Variants in SOS1 observed in about 807,000 individuals in gnomAD.
SOS1 encodes the protein son of sevenless homolog 1.
A neutral mutation model predicts 157.6 loss-of-function variants in SOS1; 25 were observed. The observed-to-expected ratio is 0.16, with a 90% CI of 0.12 to 0.22. The LOEUF is 0.22. Among genes scored for constraint, SOS1 ranks in the 10% least tolerant of loss-of-function variants. The pLI, the probability that SOS1 is intolerant of heterozygous loss-of-function variation, is 1.00. For synonymous variants in SOS1, 528 were observed against 534.0 expected (o/e 0.99, Z 0.16); for missense variants, 1,237 against 1,599.1 (o/e 0.77, Z 3.86).
intron 1 of SOS1, among the ~76,000 whole-genome samples, chr2:39,075,267 T>C (rs991723353): frequency 4.6e-5 from 7 of 152,104 alleles, no homozygotes; most frequent in Non-Finnish European, 7.4e-5. Flanking sequence ...ACTATTTTTT[T>C]GGGTGGTGGG....
chr2:39,035,601 T>C (rs1239135049), intron 6 of SOS1, 101 bp from the exon 7 acceptor site: 4 of 830,010 alleles, frequency 4.8e-6, no homozygotes, highest in East Asian at 2.6e-5. Flanking sequence ...ATGTATGTCT[T>C]TGAAAGTCTC....
intron 6 of SOS1, among the ~76,000 whole-genome samples, chr2:39,037,797 T>A (rs958900686): frequency 2.0e-5 from 3 of 152,170 alleles, no homozygotes; most frequent in African/African-American, 7.2e-5. Flanking sequence ...CCCTTAAGGA[T>A]TGTGCTAAAT....
chr2:39,022,790 G>A lies in SOS1; in HGVS notation c.1638C>T (p.Tyr546=), dbSNP rs148691348. Residue 546 remains tyrosine, a synonymous_variant, in exon 10 of 23, where the codon TAC becomes TAT. Coordinates refer to ENST00000402219, the MANE Select transcript of SOS1 (RefSeq NM_005633.4). ...CAAGCATCCTTTCCAGTGTACTCCG[G>A]TACTGTAAAGATATCAATGCTGCCA... is the stretch of plus-strand genomic sequence containing the variant. ...NWMAALISLQ[Y]RSTLERMLDV... The A allele has an allele frequency of 1.9e-6, 3 of 1,612,868 alleles. No individual in the cohort carries two copies. The highest frequency in any genetic ancestry group is 2.5e-6 in the Non-Finnish European group (3 of 1,179,192).
intron 6 of SOS1, among the ~76,000 whole-genome samples, chr2:39,047,690 CCAGA>C (rs1449363556): frequency 1.3e-5 from 2 of 152,040 alleles, no homozygotes; most frequent in Admixed American, 6.6e-5. Context: ...GTTTTCTTTT[CCAGA>C]CAGTCTCGCT....
rs1051076162 is a variant in SOS1, at chr2:39,012,965, T to G, written c.2167+495A>C. ...AATCTTTAAAACTAGAAGGAAAACC[T>G]TAGAGATCGACAAACCTAGCTCCTT... On this transcript the variant is annotated intron_variant, in intron 13 of 22. Transcript: ENST00000402219. Among the ~76,000 whole-genome samples the G allele has an allele frequency of 2.0e-5, 3 of 152,154 alleles. No individual in the cohort carries two copies. The East Asian group carries it at 5.8e-4, about 29-fold the overall frequency.
At chr2:39,117,140 T>TCCCGAGAAGAGGTTTCAA (rs1314551571) in intron 1 of SOS1, among the ~76,000 whole-genome samples, 24 of 151,886 alleles carry the variant, frequency 1.6e-4, no homozygotes, top group African/African-American at 5.8e-4. Flanking sequence ...GCTATTCTCC[T>TCCCGAGAAGAGGTTTCAA]GCCTCAGCCT....
Position 38,986,319 on chromosome 2 carries a change from A to G in SOS1, c.3511-4T>C, listed in dbSNP as rs2124455873. 1.2e-6 allele frequency: 2 copies of G among 1,610,226 alleles called. No homozygotes were observed. Among genetic ancestry groups the G allele is most frequent in the South Asian group, 2.2e-5 (2 of 90,978 alleles). Reference sequence around the variant, plus strand: ...TGTCCAAATGCTTAGACATAATCTAACAAATGAAAAGAATAAAATACACAT... The same window carrying G: ...TGTCCAAATGCTTAGACATAATCTAGCAAATGAAAAGAATAAAATACACAT... On this transcript the variant is annotated splice_region_variant and splice_polypyrimidine_tract_variant and intron_variant, in intron 22 of 22. Coordinates refer to ENST00000402219, the MANE Select transcript of SOS1 (RefSeq NM_005633.4).
chr2:39,082,626 G>A (rs758347201), intron 1 of SOS1: 2 of 152,152 alleles, frequency 1.3e-5, no homozygotes, highest in African/African-American at 2.4e-5. Flanking sequence ...AAAACGAAAC[G>A]ATACAGAGAT....
intron 8 of SOS1, among the ~76,000 whole-genome samples, chr2:39,027,853 G>GA (rs1326123971): frequency 6.7e-6 from 1 of 149,204 alleles, no homozygotes; most frequent in African/African-American, 2.5e-5. Context: ...TTTTGAGATG[G>GA]AGTCTTGTTC....
At chr2:39,061,245 G>A (rs1206937124) in intron 2 of SOS1, among the ~76,000 whole-genome samples, 1 of 77,206 alleles carries the variant, frequency 1.3e-5, no homozygotes. Flanking sequence ...AAGATTCGTA[G>A]GGTTAAAAAA....
chr2:39,114,878 G>A (rs1363982256), intron 1 of SOS1, among the ~76,000 whole-genome samples: 1 of 152,170 alleles, frequency 6.6e-6, no homozygotes, highest in African/African-American at 2.4e-5. Flanking sequence ...GATTACAGGT[G>A]TGAGCCATCG....
intron 20 of SOS1, among the ~76,000 whole-genome samples, 175 bp from the exon 21 acceptor site, chr2:38,989,489 CATATT>C (rs1668661655): frequency 2.0e-5 from 3 of 152,020 alleles, no homozygotes; most frequent in Admixed American, 1.3e-4. Flanking sequence ...AAAATGATAT[CATATT>C]GGGAATTTAA....
intron 20 of SOS1, among the ~76,000 whole-genome samples, chr2:38,990,303 C>G (rs999852888): frequency 6.6e-6 from 1 of 151,904 alleles, no homozygotes; most frequent in Non-Finnish European, 1.5e-5. Context: ...AATAATCTGT[C>G]CCATTATCTG....
At chr2:39,026,902 A>G (rs892900970) in intron 8 of SOS1, among the ~76,000 whole-genome samples, 9 of 152,198 alleles carry the variant, frequency 5.9e-5, no homozygotes, top group African/African-American at 1.9e-4. Context: ...TGTTTTAAGA[A>G]AGTTTACAAA....
At chr2:38,989,707 A>G (rs754794214) in intron 20 of SOS1, among the ~76,000 whole-genome samples, 1 of 152,106 alleles carries the variant, frequency 6.6e-6, no homozygotes, top group African/African-American at 2.4e-5. Context: ...ATTTTATGTA[A>G]GTTGAAAAAT....
rs539568239 is a variant in SOS1, at chr2:38,982,411, A to G, written c.*3413T>C. On this transcript the variant is annotated 3_prime_UTR_variant, in exon 23 of 23. Transcript: ENST00000402219. ...GTTTCAAAGAAGAAAAATATTGAATAAAGTCATCATGTTCCCTTATAAATA... is the reference window on the plus strand; with the variant it reads ...GTTTCAAAGAAGAAAAATATTGAATGAAGTCATCATGTTCCCTTATAAATA... The G allele has an allele frequency of 3.6e-4, 55 of 152,310 alleles. No individual in the cohort carries two copies. The highest frequency in any genetic ancestry group is 1.3e-3 in the African/African-American group (52 of 41,570). 9.4% of individuals were successfully genotyped at this position (152,310 alleles called of 1,614,324 possible). A position where few individuals can be genotyped will look rare whatever the true frequency, so the allele number is the denominator to read the frequency against.
intron 8 of SOS1, among the ~76,000 whole-genome samples, chr2:39,025,538 C>T (rs1840281): frequency 0.93 from 141,118 of 151,012 alleles, 66,036 homozygotes; most frequent in African/African-American, 0.97. Flanking sequence ...TTTTTTACTT[C>T]TAGTAGAGAC....
chr2:39,059,556 C>T (rs561708596), intron 2 of SOS1, among the ~76,000 whole-genome samples: 41 of 152,138 alleles, frequency 2.7e-4, no homozygotes, highest in Non-Finnish European at 4.7e-4. Flanking sequence ...CAGTAGAGGT[C>T]GCTATTACAT....
At chr2:39,023,643 G>T in intron 9 of SOS1, 1 of 246,378 alleles carries the variant, frequency 4.1e-6, no homozygotes, top group South Asian at 6.7e-5. Context: ...GAAAGTGGAA[G>T]CAATGTTATC....
Sources: gnomAD v4.1 joint callset for allele counts (sites outside exome capture counted in the v4.1 genomes callset) on GRCh38, gnomAD v4.1.1 for gene constraint, MANE v1.5 for transcripts, NCBI Gene and HGNC (gene_info 2026-07-23, HGNC 2026-07-21) for gene names.